The following GPR39 variants were observed in gnomAD, a reference collection of about 807,000 sequenced individuals.
The protein encoded by GPR39 is G protein-coupled receptor 39.
In GPR39, 23 loss-of-function variants were observed where a neutral mutation model predicts 18.4. That is an observed-to-expected ratio of 1.25 (90% confidence interval 0.90 to 1.77). GPR39 has a LOEUF of 1.77. GPR39 is among the 40% of genes most tolerant of loss of function. The pLI is 0.00. For missense variants in GPR39, 647 were observed against 602.4 expected, an observed-to-expected ratio of 1.07 and a Z score of -0.78; for synonymous variants, 280 against 257.9, an observed-to-expected ratio of 1.09 and a Z score of -0.82.
intron 1 of GPR39, among the ~76,000 whole-genome samples, chr2:132,445,336 T>G (rs1680515560): frequency 6.6e-6 from 1 of 152,182 alleles, no homozygotes; most frequent in Admixed American, 6.5e-5. Flanking sequence ...CATGGAAATT[T>G]GAGAACAAAA....
intron 1 of GPR39, among the ~76,000 whole-genome samples, chr2:132,619,930 G>A (rs966837150): frequency 1.5e-4 from 22 of 151,708 alleles, no homozygotes; most frequent in African/African-American, 4.6e-4. Flanking sequence ...TCCCAAACCT[G>A]CCCTAGCTCT....
intron 1 of GPR39, among the ~76,000 whole-genome samples, chr2:132,609,991 G>C (rs1681212825): frequency 6.6e-6 from 1 of 151,896 alleles, no homozygotes; most frequent in African/African-American, 2.4e-5. Flanking sequence ...CTTGGTACCT[G>C]CCTGTTCATT....
At chr2:132,469,779 A>G (rs1680997149) in intron 1 of GPR39, among the ~76,000 whole-genome samples, 1 of 152,192 alleles carries the variant, frequency 6.6e-6, no homozygotes. Context: ...AGCACCTGCT[A>G]GAGACTACCT....
intron 1 of GPR39, among the ~76,000 whole-genome samples, chr2:132,434,865 T>C (rs1009316792): frequency 6.6e-6 from 1 of 152,182 alleles, no homozygotes. Flanking sequence ...TTTCAAGATA[T>C]GGGTCTTAGA....
intron 1 of GPR39, among the ~76,000 whole-genome samples, chr2:132,552,611 A>C (rs879320014): frequency 6.6e-6 from 1 of 152,080 alleles, no homozygotes; most frequent in Non-Finnish European, 1.5e-5. Flanking sequence ...ATTATTTAAA[A>C]TATACAGGAG....
chr2:132,601,862 A>C (rs981758656), intron 1 of GPR39, among the ~76,000 whole-genome samples: 4 of 152,280 alleles, frequency 2.6e-5, no homozygotes, highest in African/African-American at 7.2e-5. Flanking sequence ...AAAAAGGCTA[A>C]AGATATCTGC....
intron 1 of GPR39, among the ~76,000 whole-genome samples, chr2:132,622,348 C>T (rs748786653): frequency 6.6e-6 from 1 of 152,100 alleles, no homozygotes; most frequent in Non-Finnish European, 1.5e-5. Context: ...GAGCTGAGAT[C>T]GCACCATTGC....
rs758639736 is a variant in GPR39, at chr2:132,645,339, G to A, written c.1095G>A (p.Leu365=). Reference sequence around the variant, plus strand: ...AGGTGCTGTGCTGCCGCCTGTCGCTGCAGCACGCCAACCACGAGAAGCGCC... The same window carrying A: ...AGGTGCTGTGCTGCCGCCTGTCGCTACAGCACGCCAACCACGAGAAGCGCC... ...FVQVLCCRLS[L]QHANHEKRLR... The change falls in exon 2 of 2, where the codon CTG becomes CTA. Residue 365 remains leucine (L), a synonymous_variant. Coordinates refer to ENST00000329321, the MANE Select transcript of GPR39 (RefSeq NM_001508.3). 6 of 1,614,030 alleles carry A rather than the reference G, an allele frequency of 3.7e-6. No homozygotes were observed. In the African/African-American group the frequency reaches 4.0e-5, roughly 11 times the overall value.
chr2:132,421,330 A>T (rs941709835), intron 1 of GPR39, among the ~76,000 whole-genome samples: 11 of 152,328 alleles, frequency 7.2e-5, no homozygotes, highest in Admixed American at 1.3e-4. Context: ...AAGTAATTTT[A>T]AAAAAAGCAT....
At position 132,593,279 on chromosome 2, in the gene GPR39, G is replaced by T. The variant is rs149804857; in HGVS notation, c.857-51822G>T. ...GATTGAATCATAGCCCAGGTCTTCA[G>T]CTCCCCTCCTCTCCCTCCTAGAGGT... On this transcript the variant is annotated intron_variant, in intron 1 of 1. Coordinates refer to ENST00000329321, the MANE Select transcript of GPR39 (RefSeq NM_001508.3). Among the ~76,000 whole-genome samples the T allele has an allele frequency of 3.2e-3, 481 of 152,230 alleles. 1 individual carries two copies. Among genetic ancestry groups the T allele is most frequent in the Middle Eastern group, 6.8e-3 (2 of 294 alleles).
intron 1 of GPR39, among the ~76,000 whole-genome samples, chr2:132,537,114 T>C (rs1235904258): frequency 2.0e-5 from 3 of 152,150 alleles, no homozygotes; most frequent in Non-Finnish European, 4.4e-5. Context: ...TGTCATCATG[T>C]TGCTATCTGG....
intron 1 of GPR39, among the ~76,000 whole-genome samples, chr2:132,532,684 T>G (rs1326572963): frequency 3.3e-5 from 5 of 152,164 alleles, no homozygotes; most frequent in Non-Finnish European, 5.9e-5. Context: ...TGCAAGGCTG[T>G]TTCAACATAC....
In GPR39 at chr2:132,417,787, C is replaced by T; in HGVS notation, c.745C>T (p.Leu249Phe). 1.2e-6 allele frequency: 2 copies of T among 1,614,180 alleles called. No homozygotes were observed. The highest frequency in any genetic ancestry group is 1.7e-6 in the Non-Finnish European group (2 of 1,180,048). The change falls in exon 1 of 2, where the codon CTC becomes TTC. Residue 249 changes from leucine (L) to phenylalanine (F), a missense_variant. Coordinates refer to ENST00000329321, the MANE Select transcript of GPR39 (RefSeq NM_001508.3). The stretch of plus-strand genomic sequence containing the variant: ...CATGTGCTGGAACATGATGCAGGTG[C>T]TCATGAAAAGCCAGAAGGGCTCGCT... ...AFMCWNMMQV[L>F]MKSQKGSLAG...
intron 1 of GPR39, among the ~76,000 whole-genome samples, chr2:132,540,931 T>G (rs1679850470): frequency 6.6e-6 from 1 of 151,954 alleles, no homozygotes; most frequent in Non-Finnish European, 1.5e-5. Flanking sequence ...TCCATACAGG[T>G]GGCCAACCCT....
intron 1 of GPR39, among the ~76,000 whole-genome samples, chr2:132,481,394 C>T (rs1407685119): frequency 6.6e-6 from 1 of 152,118 alleles, no homozygotes; most frequent in African/African-American, 2.4e-5. Context: ...ATGGATTGGT[C>T]TACAAAGATA....
At chr2:132,510,454 C>G (rs1463066041) in intron 1 of GPR39, among the ~76,000 whole-genome samples, 1 of 152,078 alleles carries the variant, frequency 6.6e-6, no homozygotes, top group African/African-American at 2.4e-5. Flanking sequence ...CTTTGGGGCT[C>G]TTGGAATCAC....
In GPR39 at chr2:132,533,306, T is replaced by G. The variant is rs1434896004; in HGVS notation, c.857-111795T>G. Among the ~76,000 whole-genome samples the G allele has an allele frequency of 2.0e-5, 3 of 152,048 alleles. No homozygotes were observed. In the East Asian group the frequency reaches 5.8e-4, roughly 30 times the overall value. On this transcript the variant is annotated intron_variant, in intron 1 of 1. Coordinates refer to ENST00000329321, the MANE Select transcript of GPR39 (RefSeq NM_001508.3). The stretch of plus-strand genomic sequence containing the variant: ...CTTACAAGGGATGTGAAGGATCCCT[T>G]CAAGGAGAGCTACAAACCACTGCTC...
chr2:132,531,445 C>A (rs1182171978), intron 1 of GPR39, among the ~76,000 whole-genome samples: 1 of 152,124 alleles, frequency 6.6e-6, no homozygotes, highest in African/African-American at 2.4e-5. Flanking sequence ...GACAGATCAA[C>A]GAGACAGAAA....
chr2:132,471,309 C>T (rs1681026893), intron 1 of GPR39, among the ~76,000 whole-genome samples: 1 of 151,936 alleles, frequency 6.6e-6, no homozygotes, highest in Non-Finnish European at 1.5e-5. Context: ...TCCTCATACT[C>T]ATTGATAAAG....
Sources: allele counts gnomAD v4.1 joint callset (sites outside exome capture counted in the v4.1 genomes callset), GRCh38; gene constraint gnomAD v4.1.1; transcripts MANE v1.5; gene names NCBI Gene and HGNC (gene_info 2026-07-23, HGNC 2026-07-21).